Variants in SMURF2 observed in about 807,000 individuals in gnomAD.
The protein encoded by SMURF2 is E3 ubiquitin-protein ligase SMURF2.
SMURF2 carries 48 observed loss-of-function variants against 109.6 expected under a neutral mutation model. The ratio of observed to expected loss-of-function variants is 0.44; its 90% CI spans 0.35 to 0.56. SMURF2 has a LOEUF of 0.56. SMURF2 is among the 20% of genes least tolerant of loss of function. The pLI, the probability that SMURF2 is intolerant of heterozygous loss-of-function variation, is 0.01. For missense variants in SMURF2, 575 were observed against 909.0 expected (o/e 0.63, Z 4.72); for synonymous variants, 288 against 317.1 (o/e 0.91, Z 0.97).
chr17:64,564,082 A>G (rs1485997077), intron 10 of SMURF2, among the ~76,000 whole-genome samples: 5 of 152,244 alleles, frequency 3.3e-5, no homozygotes, highest in Admixed American at 6.5e-5. Context: ...GGGCATGGCA[A>G]AAGATTCTGC....
rs537011752 is a variant in SMURF2, at chr17:64,575,281, G to A, written c.857+3211C>T. Among the ~76,000 whole-genome samples the A allele has an allele frequency of 2.5e-4, 38 of 151,990 alleles. No individual in the cohort carries two copies. The South Asian group carries it at 7.3e-3, about 29-fold the overall frequency. The stretch of plus-strand genomic sequence containing the variant: ...CAATTCTTCTTCTTCAGCCTCCTGA[G>A]TAGCTGGGATTACAGGCACATGCCA... On this transcript the variant is annotated intron_variant, in intron 9 of 18. Coordinates refer to ENST00000262435, the MANE Select transcript of SMURF2 (RefSeq NM_022739.4).
Position 64,544,914 on chromosome 17 carries a change from G to T in SMURF2, c.*934C>A, listed in dbSNP as rs1346000887. The T allele has an allele frequency of 1.3e-5, 2 of 152,484 alleles. No individual in the cohort carries two copies. Among genetic ancestry groups the T allele is most frequent in the Non-Finnish European group, 2.9e-5 (2 of 68,010 alleles). 9.4% of individuals were successfully genotyped at this position (152,484 alleles called of 1,614,324 possible). On this transcript the variant is annotated 3_prime_UTR_variant, in exon 19 of 19. Coordinates refer to ENST00000262435, the MANE Select transcript of SMURF2 (RefSeq NM_022739.4). ...ACTTGTCAGAGACTTTGGTTTATAG[G>T]AATAGTCCATATATTAAAGATAAGC...
At chr17:64,587,406 C>T (rs1555687208) in intron 5 of SMURF2, among the ~76,000 whole-genome samples, 3 of 152,126 alleles carry the variant, frequency 2.0e-5, no homozygotes, top group South Asian at 2.1e-4. Flanking sequence ...ACTTAATATA[C>T]TTAAGGTGTA....
chr17:64,551,320 G>C (rs575645270), intron 16 of SMURF2, among the ~76,000 whole-genome samples: 1 of 151,902 alleles, frequency 6.6e-6, no homozygotes, highest in Admixed American at 6.6e-5. Context: ...TTGCACCACT[G>C]CACCCCAGCC....
In SMURF2 at chr17:64,661,882, T is replaced by G; in HGVS notation, c.-2A>C. 1.7e-6 allele frequency: 2 copies of G among 1,201,792 alleles called. No individual in the cohort carries two copies. The highest frequency in any genetic ancestry group is 1.0e-6 in the Non-Finnish European group (1 of 970,318). 74.4% of individuals were successfully genotyped at this position (1,201,792 alleles called of 1,614,324 possible). The stretch of plus-strand genomic sequence containing the variant: ...CCTCCGGCCTCCGGGGTTAGACATG[T>G]CCCCGGCGGCGGGGGCGGCGGGGGC... On this transcript the variant is annotated 5_prime_UTR_variant, in exon 1 of 19. Transcript: ENST00000262435.
In SMURF2 at chr17:64,575,391, G is replaced by A. The variant is rs138380140; in HGVS notation, c.857+3101C>T. On this transcript the variant is annotated intron_variant, in intron 9 of 18. Coordinates refer to ENST00000262435, the MANE Select transcript of SMURF2 (RefSeq NM_022739.4). ...TGGTCTCAAATTCCTGACTTCAAGT[G>A]ATCCTCCTGCCTCAGCCTCCCAAAG... Among the ~76,000 whole-genome samples, 165 of 151,968 alleles carry A rather than the reference G, an allele frequency of 1.1e-3. 2 individuals carry two copies. The highest frequency in any genetic ancestry group is 3.9e-3 in the African/African-American group (160 of 41,362).
rs1465882528 is a variant in SMURF2 at position 64,545,735 on chromosome 17, G to T, written c.*113C>A. 1.1e-5 allele frequency: 1 copy of T among 91,994 alleles called. No individual in the cohort carries two copies. Among genetic ancestry groups the T allele is most frequent in the African/African-American group, 2.0e-4 (1 of 5,052 alleles). 5.7% of individuals were successfully genotyped at this position (91,994 alleles called of 1,614,324 possible). A position where few individuals can be genotyped will look rare whatever the true frequency, so the allele number is the denominator to read the frequency against. On this transcript the variant is annotated 3_prime_UTR_variant, in exon 19 of 19. Transcript: ENST00000262435. ...AAAATGTAAAAAAAAAAAAAAAAAGGGGGGGGGGGGGAGTGTTTTCCTGTA... is the reference window on the plus strand; with the variant it reads ...AAAATGTAAAAAAAAAAAAAAAAAGTGGGGGGGGGGGAGTGTTTTCCTGTA...
At chr17:64,608,307 C>T (rs782483555) in intron 1 of SMURF2, among the ~76,000 whole-genome samples, 3 of 151,880 alleles carry the variant, frequency 2.0e-5, no homozygotes, top group Non-Finnish European at 2.9e-5. Context: ...CATAAAAAAA[C>T]CTTTTGAAAA....
chr17:64,569,104 A>C (rs1969360132), intron 10 of SMURF2, among the ~76,000 whole-genome samples: 2 of 152,126 alleles, frequency 1.3e-5, no homozygotes, highest in Non-Finnish European at 2.9e-5. Flanking sequence ...GCTCGAGACC[A>C]GTCTGGGCAA....
intron 12 of SMURF2, 47 bp downstream of exon 12, chr17:64,561,453 G>GT: frequency 2.3e-6 from 3 of 1,281,456 alleles, no homozygotes. Flanking sequence ...GCTTAAATTT[G>GT]TAAGTACAAA....
intron 1 of SMURF2, chr17:64,660,801 C>T (rs538284228): frequency 2.0e-5 from 3 of 152,282 alleles, no homozygotes; most frequent in South Asian, 2.1e-4. Context: ...TAGGATAACG[C>T]CGTGATTCCA....
rs551827893 is a variant in SMURF2 at position 64,575,196 on chromosome 17, G to A, written c.858-3240C>T. Among the ~76,000 whole-genome samples, 47 of 149,824 alleles carry A rather than the reference G, an allele frequency of 3.1e-4. No individual in the cohort carries two copies. In the South Asian group the frequency reaches 3.8e-3, roughly 12 times the overall value. On this transcript the variant is annotated intron_variant, in intron 9 of 18. Coordinates refer to ENST00000262435, the MANE Select transcript of SMURF2 (RefSeq NM_022739.4). ...AGAGATGGGGTCTTGCTCTGTTGCC[G>A]AGGCTGGAGTGCCACGGTGCGATCT...
At chr17:64,629,141 C>T (rs1490908559) in intron 1 of SMURF2, among the ~76,000 whole-genome samples, 3 of 152,122 alleles carry the variant, frequency 2.0e-5, no homozygotes, top group Admixed American at 6.5e-5. Context: ...CTACTAGTTT[C>T]CCTAAGAAGG....
At chr17:64,571,084 C>T (rs1319930707) in intron 10 of SMURF2, among the ~76,000 whole-genome samples, 1 of 152,114 alleles carries the variant, frequency 6.6e-6, no homozygotes, top group African/African-American at 2.4e-5. Flanking sequence ...CCTGGCCTTA[C>T]CAACATATGT....
intron 1 of SMURF2, among the ~76,000 whole-genome samples, chr17:64,611,950 T>C (rs536050065): frequency 1.3e-5 from 2 of 152,224 alleles, no homozygotes; most frequent in East Asian, 3.9e-4. Context: ...CTTTCTCAAA[T>C]GTATCTCTCT....
At chr17:64,634,344 A>C (rs983264295) in intron 1 of SMURF2, among the ~76,000 whole-genome samples, 4 of 152,068 alleles carry the variant, frequency 2.6e-5, no homozygotes, top group Admixed American at 6.6e-5. Context: ...TCCACAAGAT[A>C]AATCTTTGAC....
chr17:64,606,451 G>A (rs969048667), intron 2 of SMURF2, 151 bp downstream of exon 2: 4 of 643,686 alleles, frequency 6.2e-6, no homozygotes, highest in African/African-American at 5.7e-5. Flanking sequence ...AAAAAAAAAT[G>A]TGATGCCAAA....
chr17:64,634,482 T>G (rs1970389294), intron 1 of SMURF2, among the ~76,000 whole-genome samples: 1 of 152,188 alleles, frequency 6.6e-6, no homozygotes, highest in African/African-American at 2.4e-5. Flanking sequence ...CAGAGATACC[T>G]GGCACCTTCA....
chr17:64,615,629 T>C (rs754892694), intron 1 of SMURF2, among the ~76,000 whole-genome samples: 3 of 152,240 alleles, frequency 2.0e-5, no homozygotes, highest in Non-Finnish European at 2.9e-5. Flanking sequence ...TTATGTGTTT[T>C]AGTTATTGTT....
Sources: allele counts gnomAD v4.1 joint callset (sites outside exome capture counted in the v4.1 genomes callset), GRCh38; gene constraint gnomAD v4.1.1; transcripts MANE v1.5; gene names NCBI Gene and HGNC (gene_info 2026-07-23, HGNC 2026-07-21).